The following GRIN3A variants were observed in gnomAD, a reference collection of about 807,000 sequenced individuals.
The protein encoded by GRIN3A is glutamate ionotropic receptor NMDA type subunit 3A.
GRIN3A carries 47 observed loss-of-function variants against 92.4 expected under a neutral mutation model. The ratio of observed to expected loss-of-function variants is 0.51; its 90% CI spans 0.40 to 0.65. GRIN3A has a LOEUF of 0.65. Among genes scored for constraint, GRIN3A ranks in the 30% least tolerant of loss-of-function variants. The pLI, the probability that GRIN3A is intolerant of heterozygous loss-of-function variation, is 0.00. For synonymous variants in GRIN3A, 527 were observed against 540.6 expected (o/e 0.97, Z 0.35); for missense variants, 1,324 against 1,393.1 (o/e 0.95, Z 0.79).
At chr9:101,581,746 G>A (rs1827890001) in intron 6 of GRIN3A, among the ~76,000 whole-genome samples, 1 of 152,208 alleles carries the variant, frequency 6.6e-6, no homozygotes, top group Non-Finnish European at 1.5e-5. Flanking sequence ...AAGATATGCA[G>A]TGAGAGAGAA....
rs767514182 is a variant in GRIN3A at position 101,594,735 on chromosome 9, C to T, written c.2767-15375G>A. ...TCCACTTCTCCATCACCGTCGGTGT[C>T]GAAGACGTCGATCACTCGCCGCACC... On this transcript the variant is annotated intron_variant, in intron 6 of 8. Transcript: ENST00000361820. The T allele has an allele frequency of 4.3e-6, 7 of 1,614,066 alleles. No homozygotes were observed. In the Admixed American group the frequency reaches 5.0e-5, roughly 12 times the overall value.
chr9:101,581,742 T>A (rs979777777), intron 6 of GRIN3A, among the ~76,000 whole-genome samples: 2 of 152,176 alleles, frequency 1.3e-5, no homozygotes, highest in Non-Finnish European at 2.9e-5. Flanking sequence ...GACAAAGATA[T>A]GCAGTGAGAG....
chr9:101,702,948 A>G (rs1829773093), intron 1 of GRIN3A, among the ~76,000 whole-genome samples: 1 of 152,108 alleles, frequency 6.6e-6, no homozygotes, highest in Admixed American at 6.5e-5. Context: ...ACTCCAAAAT[A>G]TATCCTGAAT....
intron 3 of GRIN3A, among the ~76,000 whole-genome samples, chr9:101,662,727 T>C (rs1450454959): frequency 6.6e-6 from 1 of 151,822 alleles, no homozygotes; most frequent in Admixed American, 6.6e-5. Flanking sequence ...CATCTTTAAG[T>C]ATTCAGTCTC....
intron 1 of GRIN3A, among the ~76,000 whole-genome samples, chr9:101,716,506 T>C (rs1829950075): frequency 6.6e-6 from 1 of 152,250 alleles, no homozygotes; most frequent in South Asian, 2.1e-4. Flanking sequence ...GGGCATGTTA[T>C]GAATAGAATG....
chr9:101,622,253 G>C (rs764713638), intron 5 of GRIN3A, among the ~76,000 whole-genome samples: 118 of 152,334 alleles, frequency 7.7e-4, no homozygotes, highest in Non-Finnish European at 1.0e-3. Flanking sequence ...ATTGAAATCA[G>C]AATAGTCTTG....
Position 101,687,110 on chromosome 9 carries a change from T to G in GRIN3A, c.790A>C (p.Asn264His). ...TCCTGGCACAGCAACAAGCTAAAAT[T>G]GTACCAGTTGTTCATGGTCAGGATT... Reference protein sequence around the residue: ...VSILTMNNWYNFSLLLCQEDW... With the variant: ...VSILTMNNWYHFSLLLCQEDW... The change falls in exon 2 of 9, where the codon AAT (asparagine) becomes CAT (histidine). Residue 264 changes from asparagine (N) to histidine (H), a missense_variant. Coordinates refer to ENST00000361820, the MANE Select transcript of GRIN3A (RefSeq NM_133445.3). The G allele has an allele frequency of 6.2e-7, 1 of 1,614,122 alleles. No individual in the cohort carries two copies. Among genetic ancestry groups the G allele is most frequent in the Non-Finnish European group, 8.5e-7 (1 of 1,179,998 alleles).
At chr9:101,581,037 T>TACATA (rs1182639657) in intron 6 of GRIN3A, among the ~76,000 whole-genome samples, 1 of 152,228 alleles carries the variant, frequency 6.6e-6, no homozygotes, top group Non-Finnish European at 1.5e-5. Context: ...CATAATATAT[T>TACATA]GAGTTAATAC....
intron 3 of GRIN3A, among the ~76,000 whole-genome samples, chr9:101,657,653 G>A (rs754485704): frequency 1.3e-5 from 2 of 151,924 alleles, no homozygotes; most frequent in Non-Finnish European, 2.9e-5. Context: ...AGAAAGAGAA[G>A]GAAGGGAAGC....
intron 1 of GRIN3A, among the ~76,000 whole-genome samples, chr9:101,701,540 C>T (rs957109779): frequency 6.6e-6 from 1 of 152,012 alleles, no homozygotes; most frequent in Non-Finnish European, 1.5e-5. Context: ...GGATTAAAAG[C>T]CTCACTGTAA....
chr9:101,639,172 A>G (rs1213985134), intron 3 of GRIN3A, among the ~76,000 whole-genome samples: 1 of 152,188 alleles, frequency 6.6e-6, no homozygotes, highest in Non-Finnish European at 1.5e-5. Context: ...TCTAGAACCC[A>G]ACTACCAGGT....
intron 8 of GRIN3A, among the ~76,000 whole-genome samples, chr9:101,576,349 G>T (rs1036157958): frequency 2.0e-5 from 3 of 152,164 alleles, no homozygotes; most frequent in African/African-American, 7.2e-5. Flanking sequence ...GTTGTATAGA[G>T]GTAGGCACAG....
At chr9:101,697,909 G>A (rs1019565273) in intron 1 of GRIN3A, among the ~76,000 whole-genome samples, 5 of 152,054 alleles carry the variant, frequency 3.3e-5, no homozygotes, top group African/African-American at 1.2e-4. Context: ...GATACTTGTG[G>A]TTAATTTTAC....
intron 6 of GRIN3A, among the ~76,000 whole-genome samples, chr9:101,579,884 A>AGTTTCCCAAT (rs1166128877): frequency 6.6e-6 from 1 of 152,168 alleles, no homozygotes; most frequent in Non-Finnish European, 1.5e-5. Context: ...ACAGCTCACC[A>AGTTTCCCAAT]GTTTCCCAAT....
At chr9:101,692,007 C>A (rs988103958) in intron 1 of GRIN3A, among the ~76,000 whole-genome samples, 1 of 152,124 alleles carries the variant, frequency 6.6e-6, no homozygotes, top group Non-Finnish European at 1.5e-5. Flanking sequence ...GTGCCTGGCG[C>A]AGAGTGAGGG....
intron 1 of GRIN3A, among the ~76,000 whole-genome samples, chr9:101,707,892 G>A (rs1416558313): frequency 6.6e-6 from 1 of 152,138 alleles, no homozygotes; most frequent in Non-Finnish European, 1.5e-5. Context: ...GTGGAAAGGA[G>A]CATGAAGGCC....
chr9:101,706,881 C>A (rs1018352955), intron 1 of GRIN3A, among the ~76,000 whole-genome samples: 1 of 152,154 alleles, frequency 6.6e-6, no homozygotes, highest in African/African-American at 2.4e-5. Flanking sequence ...GTCAAATGAC[C>A]AGGTTTTATA....
chr9:101,611,388 T>G (rs750909062), intron 6 of GRIN3A, among the ~76,000 whole-genome samples: 1 of 152,166 alleles, frequency 6.6e-6, no homozygotes, highest in Non-Finnish European at 1.5e-5. Context: ...ATAATTGAAT[T>G]TAGGGCCCAC....
chr9:101,692,275 A>G (rs1829629632), intron 1 of GRIN3A, among the ~76,000 whole-genome samples: 1 of 152,106 alleles, frequency 6.6e-6, no homozygotes, highest in Non-Finnish European at 1.5e-5. Flanking sequence ...AGTCCTCCCC[A>G]CACCCCCAAC....
Sources: allele counts gnomAD v4.1 joint callset (sites outside exome capture counted in the v4.1 genomes callset), GRCh38; gene constraint gnomAD v4.1.1; transcripts MANE v1.5; gene names NCBI Gene and HGNC (gene_info 2026-07-23, HGNC 2026-07-21).